Variants in ZNF532 observed in about 807,000 individuals in gnomAD.
The protein encoded by ZNF532 is zinc finger protein 532.
A neutral mutation model predicts 89.3 loss-of-function variants in ZNF532; 22 were observed. The observed-to-expected ratio is 0.25, with a 90% CI of 0.18 to 0.35. ZNF532 has a LOEUF of 0.35. Ranked by LOEUF, ZNF532 falls within the 10% of genes least tolerant of loss-of-function variation. The probability of loss-of-function intolerance (pLI) is 1.00; values close to 1 mark genes in which losing one functional copy is unlikely to be tolerated. For synonymous variants in ZNF532, 606 were observed against 649.6 expected (o/e 0.93, Z 1.02); for missense variants, 1,132 against 1,643.4 (o/e 0.69, Z 5.38).
At chr18:58,923,523 C>T (rs1367336850) in intron 3 of ZNF532, among the ~76,000 whole-genome samples, 2 of 152,186 alleles carry the variant, frequency 1.3e-5, no homozygotes, top group East Asian at 3.9e-4. Context: ...GCCATCCTAG[C>T]CTCCACATGT....
At chr18:58,896,913 A>G (rs998536337) in intron 2 of ZNF532, among the ~76,000 whole-genome samples, 1 of 152,222 alleles carries the variant, frequency 6.6e-6, no homozygotes, top group African/African-American at 2.4e-5. Context: ...TCCCTGTCCC[A>G]TGTGACCATG....
At chr18:58,921,061 G>A (rs2061036320) in intron 3 of ZNF532, among the ~76,000 whole-genome samples, 1 of 151,750 alleles carries the variant, frequency 6.6e-6, no homozygotes, top group African/African-American at 2.4e-5. Context: ...CTGCACTGTA[G>A]CCTAGCATTG....
chr18:58,906,922 T>C (rs928566643), intron 2 of ZNF532, among the ~76,000 whole-genome samples: 2 of 152,240 alleles, frequency 1.3e-5, no homozygotes, highest in East Asian at 3.8e-4. Flanking sequence ...TTATGAACCA[T>C]AGTGAAATAG....
At chr18:58,918,245 G>A in intron 2 of ZNF532, 26 bp from the exon 3 acceptor site, 1 of 1,577,690 alleles carries the variant, frequency 6.3e-7, no homozygotes, top group South Asian at 1.2e-5. Flanking sequence ...AATTACTGAT[G>A]GAACTATTTT....
At chr18:58,956,851 C>T (rs1047891172) in intron 7 of ZNF532, among the ~76,000 whole-genome samples, 2 of 152,180 alleles carry the variant, frequency 1.3e-5, no homozygotes, top group African/African-American at 4.8e-5. Flanking sequence ...CTCACCATTA[C>T]CGGAACACCC....
At chr18:58,868,069 C>T (rs2056639788) in intron 2 of ZNF532, among the ~76,000 whole-genome samples, 1 of 152,178 alleles carries the variant, frequency 6.6e-6, no homozygotes, top group African/African-American at 2.4e-5. Context: ...TGGACTTTTC[C>T]GTGCAATACA....
intron 2 of ZNF532, among the ~76,000 whole-genome samples, chr18:58,888,654 C>T (rs575439844): frequency 8.0e-5 from 9 of 112,160 alleles, no homozygotes; most frequent in South Asian, 5.8e-4. Flanking sequence ...CCAGCCTGAG[C>T]GACAAGAGCG....
chr18:58,939,882 T>C (rs1023213965), intron 5 of ZNF532: 1 of 280,992 alleles, frequency 3.6e-6, no homozygotes, highest in African/African-American at 2.2e-5. Context: ...TTTATATTTT[T>C]TTCTTAAGAT....
At chr18:58,916,562 C>T (rs752472049) in intron 2 of ZNF532, among the ~76,000 whole-genome samples, 3 of 152,106 alleles carry the variant, frequency 2.0e-5, no homozygotes, top group South Asian at 4.1e-4. Context: ...AGTAAGCCAT[C>T]GAAAGAAAAG....
At chr18:58,961,444 C>A (rs537851783) in intron 7 of ZNF532, among the ~76,000 whole-genome samples, 5 of 152,192 alleles carry the variant, frequency 3.3e-5, no homozygotes, top group Non-Finnish European at 7.3e-5. Flanking sequence ...CCCATTGTCT[C>A]AACGTAGGTG....
chr18:58,977,768 T>G (rs995044000), intron 7 of ZNF532: 2 of 152,124 alleles, frequency 1.3e-5, no homozygotes, highest in Non-Finnish European at 2.9e-5. Flanking sequence ...GAGAGTTCTT[T>G]GAACCCAGGA....
rs201185805 is a variant in ZNF532 at position 58,948,052 on chromosome 18, A to G, written c.2706-15A>G. 3.1e-6 allele frequency: 5 copies of G among 1,601,970 alleles called. No homozygotes were observed. Among genetic ancestry groups the G allele is most frequent in the Non-Finnish European group, 4.3e-6 (5 of 1,174,828 alleles). On this transcript the variant is annotated splice_polypyrimidine_tract_variant and intron_variant, in intron 5 of 9. Coordinates refer to ENST00000591808, the MANE Select transcript of ZNF532 (RefSeq NM_001375912.1). ...AGGCTGACTGACATGATCTCGCTGC[A>G]CTCTTCTATTTTAGAATAATATATA...
chr18:58,947,852 T>A (rs1460098648), intron 5 of ZNF532, among the ~76,000 whole-genome samples: 1 of 152,266 alleles, frequency 6.6e-6, no homozygotes, highest in Non-Finnish European at 1.5e-5. Flanking sequence ...TAAATGTAGC[T>A]GAATGCATCT....
chr18:58,955,519 T>C (rs1603288984), intron 7 of ZNF532, among the ~76,000 whole-genome samples: 2 of 152,264 alleles, frequency 1.3e-5, no homozygotes, highest in African/African-American at 2.4e-5. Flanking sequence ...ACTACATCTT[T>C]GAGCAGTTTG....
chr18:58,884,486 C>T (rs914894060), intron 2 of ZNF532, among the ~76,000 whole-genome samples: 3 of 151,346 alleles, frequency 2.0e-5, no homozygotes, highest in Non-Finnish European at 4.4e-5. Flanking sequence ...TAGGACCTAA[C>T]GCACAAAAAT....
At chr18:58,939,260 A>C (rs1489651037) in intron 4 of ZNF532, among the ~76,000 whole-genome samples, 185 bp from the exon 5 acceptor site, 1 of 148,798 alleles carries the variant, frequency 6.7e-6, no homozygotes, top group African/African-American at 2.5e-5. Context: ...AAAAAAAAAA[A>C]AAAAAAAAAA....
intron 2 of ZNF532, among the ~76,000 whole-genome samples, chr18:58,900,100 A>G (rs187569225): frequency 2.6e-5 from 4 of 152,226 alleles, no homozygotes; most frequent in Admixed American, 1.3e-4. Flanking sequence ...TTTCCCATGC[A>G]TCTGGTGATT....
intron 3 of ZNF532, among the ~76,000 whole-genome samples, chr18:58,930,235 G>C (rs1024410410): frequency 6.6e-6 from 1 of 152,136 alleles, no homozygotes; most frequent in Non-Finnish European, 1.5e-5. Flanking sequence ...AACACTCTCT[G>C]ATTCCTTAAC....
At chr18:58,876,830 G>A (rs1378983367) in intron 2 of ZNF532, among the ~76,000 whole-genome samples, 2 of 152,218 alleles carry the variant, frequency 1.3e-5, no homozygotes, top group Non-Finnish European at 2.9e-5. Context: ...GGCTGAGGCT[G>A]AGGTGGGAAG....
Sources: allele counts gnomAD v4.1 joint callset (sites outside exome capture counted in the v4.1 genomes callset), GRCh38; gene constraint gnomAD v4.1.1; transcripts MANE v1.5; gene names NCBI Gene and HGNC (gene_info 2026-07-23, HGNC 2026-07-21).